The following FGFR2 variants were observed in gnomAD, a reference collection of about 807,000 sequenced individuals.
The protein encoded by FGFR2 is BEK fibroblast growth factor receptor.
FGFR2 carries 19 observed loss-of-function variants against 95.9 expected under a neutral mutation model. That is an observed-to-expected ratio of 0.20 (90% CI 0.14 to 0.29). FGFR2 has a LOEUF of 0.29. Ranked by LOEUF, FGFR2 falls within the 10% of genes least tolerant of loss-of-function variation. The pLI, the probability that FGFR2 is intolerant of heterozygous loss-of-function variation, is 1.00. For synonymous variants in FGFR2, 392 were observed against 393.3 expected (o/e 1.00, Z 0.04); for missense variants, 707 against 1,056.9 (o/e 0.67, Z 4.59).
intron 5 of FGFR2, among the ~76,000 whole-genome samples, chr10:121,550,780 G>A (rs538029058): frequency 1.4e-4 from 21 of 151,998 alleles, no homozygotes; most frequent in Non-Finnish European, 2.6e-4. Context: ...CAACACAAAC[G>A]GGAATTGTAC....
chr10:121,527,546 A>G (rs1851537236), intron 6 of FGFR2: 1 of 152,054 alleles, frequency 6.6e-6, no homozygotes, highest in Non-Finnish European at 1.5e-5. Context: ...TACACATTCA[A>G]AAATGGTTAC....
chr10:121,538,401 C>A lies in FGFR2; in HGVS notation c.748+191G>T, dbSNP rs1257436028. 3 of 904,434 alleles carry A rather than the reference C, an allele frequency of 3.3e-6. No individual in the cohort carries two copies. In the East Asian group the frequency reaches 7.2e-5, roughly 22 times the overall value. 56.0% of individuals were successfully genotyped at this position (904,434 alleles called of 1,614,324 possible). ...ATGAGGATCATGCAAAGCTCATAAA[C>A]CCTGGCTGCCTGGAAAACAGAATAT... is the stretch of plus-strand genomic sequence containing the variant. On this transcript the variant is annotated intron_variant, in intron 6 of 17. Coordinates refer to ENST00000358487, the MANE Select transcript of FGFR2 (RefSeq NM_000141.5).
rs2134475488 is a variant in FGFR2, at chr10:121,531,266, C to T, written c.748+7326G>A. The T allele has an allele frequency of 6.6e-6, 1 of 152,336 alleles. No homozygotes were observed. Among genetic ancestry groups the T allele is most frequent in the East Asian group, 1.9e-4 (1 of 5,174 alleles). The allele number at this position is 152,336 out of a possible 1,614,324, so 9.4% of individuals were successfully genotyped here. A position where few individuals can be genotyped will look rare whatever the true frequency, so the allele number is the denominator to read the frequency against. On this transcript the variant is annotated intron_variant, in intron 6 of 17. Transcript: ENST00000358487. The surrounding 1 kb of genome is among the most constrained non-coding windows in gnomAD (Gnocchi z 4.5). ...GGGAGCTGGCACCCGCAGAATACCACCTGCTCCCAAAGGCTTCTTGCTGGG... is the reference window on the plus strand; with the variant it reads ...GGGAGCTGGCACCCGCAGAATACCATCTGCTCCCAAAGGCTTCTTGCTGGG...
At chr10:121,574,454 G>C (rs1352822553) in intron 2 of FGFR2, among the ~76,000 whole-genome samples, 1 of 152,060 alleles carries the variant, frequency 6.6e-6, no homozygotes, top group Non-Finnish European at 1.5e-5. Flanking sequence ...GCTTGAATCC[G>C]GGAGGCGGGG....
intron 17 of FGFR2, among the ~76,000 whole-genome samples, chr10:121,481,542 G>A (rs967433552): frequency 2.0e-5 from 3 of 151,964 alleles, no homozygotes; most frequent in Non-Finnish European, 2.9e-5. Flanking sequence ...AAACAAACAC[G>A]CCCACCACAT....
In FGFR2 at chr10:121,526,745, A is replaced by C. The variant is rs1369216734; in HGVS notation, c.749-6576T>G. Reference sequence around the variant, plus strand: ...CAGAATCACCTGTTTTGTTTTGTTTAAACACATTTCTGTGGAAGGTCACTG... The same window carrying C: ...CAGAATCACCTGTTTTGTTTTGTTTCAACACATTTCTGTGGAAGGTCACTG... On this transcript the variant is annotated intron_variant, in intron 6 of 17. Transcript: ENST00000358487. The C allele has an allele frequency of 2.5e-5, 10 of 398,476 alleles. No homozygotes were observed. The highest frequency in any genetic ancestry group is 4.0e-5 in the Non-Finnish European group (9 of 226,068). The allele number at this position is 398,476 out of a possible 1,614,324, so 24.7% of individuals were successfully genotyped here.
At chr10:121,495,365 A>G (rs1367475208) in intron 13 of FGFR2, among the ~76,000 whole-genome samples, 1 of 152,194 alleles carries the variant, frequency 6.6e-6, no homozygotes, top group African/African-American at 2.4e-5. Flanking sequence ...AACAAAAAAC[A>G]AAAAACACAA....
intron 13 of FGFR2, among the ~76,000 whole-genome samples, chr10:121,491,663 G>A (rs1381256614): frequency 6.6e-6 from 1 of 152,114 alleles, no homozygotes; most frequent in Admixed American, 6.5e-5. Flanking sequence ...GAGGTCAGGA[G>A]ATGGAGACCA....
intron 6 of FGFR2, among the ~76,000 whole-genome samples, chr10:121,529,890 G>GC (rs1203954109): frequency 1.3e-5 from 2 of 152,130 alleles, no homozygotes; most frequent in African/African-American, 2.4e-5. Flanking sequence ...ATTAACCACT[G>GC]CAACTCAGCA....
chr10:121,556,910 G>GA (rs1447283955), intron 4 of FGFR2, among the ~76,000 whole-genome samples: 1 of 152,118 alleles, frequency 6.6e-6, no homozygotes, highest in African/African-American at 2.4e-5. Context: ...CCTGACAGGG[G>GA]AAAAATGTCT....
At chr10:121,556,187 T>A (rs565422267) in intron 4 of FGFR2, among the ~76,000 whole-genome samples, 1 of 152,290 alleles carries the variant, frequency 6.6e-6, no homozygotes, top group Admixed American at 6.5e-5. Flanking sequence ...TAAAATGAAG[T>A]AGTTGCACTG....
At chr10:121,526,497 C>A (rs1589861818) in intron 6 of FGFR2, among the ~76,000 whole-genome samples, 1 of 152,234 alleles carries the variant, frequency 6.6e-6, no homozygotes, top group Non-Finnish European at 1.5e-5. Context: ...CAGGCTAAAT[C>A]TCGTTGGGTT....
Position 121,526,236 on chromosome 10 carries a change from A to G in FGFR2, c.749-6067T>C, listed in dbSNP as rs181996174. ...CATTCTGCGATTTGGAGGACAAGTGAAAACAACTGAGAATTCTTTTTCTAA... is the reference window on the plus strand; with the variant it reads ...CATTCTGCGATTTGGAGGACAAGTGGAAACAACTGAGAATTCTTTTTCTAA... On this transcript the variant is annotated intron_variant, in intron 6 of 17. Transcript: ENST00000358487. 582 of 398,650 alleles carry G rather than the reference A, an allele frequency of 1.5e-3. 4 individuals are homozygous for G. The highest frequency in any genetic ancestry group is 0.011 in the African/African-American group (542 of 48,756). 24.7% of individuals were successfully genotyped at this position (398,650 alleles called of 1,614,324 possible).
intron 6 of FGFR2, among the ~76,000 whole-genome samples, chr10:121,524,100 A>ACACACACG (rs1564926125): frequency 1.2e-5 from 1 of 82,284 alleles, no homozygotes; most frequent in East Asian, 2.7e-4. Context: ...CCGGCTATGT[A>ACACACACG]TACACACACA....
At chr10:121,524,146 A>ACACACACCCCCC (rs142755962) in intron 6 of FGFR2, among the ~76,000 whole-genome samples, 114 of 136,910 alleles carry the variant, frequency 8.3e-4, no homozygotes, top group Non-Finnish European at 1.3e-3. Flanking sequence ...ACACACACAC[A>ACACACACCCCCC]CCCCAAGTTT....
In FGFR2 at chr10:121,497,733, A is replaced by C. The variant is rs1390694179; in HGVS notation, c.1672+762T>G. Among the ~76,000 whole-genome samples the C allele has an allele frequency of 2.0e-5, 3 of 152,302 alleles. No individual in the cohort carries two copies. The East Asian group carries it at 5.8e-4, about 29-fold the overall frequency. On this transcript the variant is annotated intron_variant, in intron 12 of 17. Transcript: ENST00000358487. Reference sequence around the variant, plus strand: ...GCCTACCGCCTGTTTGGGTAATTAAATTTTATTGGCATGCAGCCAGGTCCA... The same window carrying C: ...GCCTACCGCCTGTTTGGGTAATTAACTTTTATTGGCATGCAGCCAGGTCCA...
chr10:121,591,491 G>A (rs1168447244), intron 2 of FGFR2, among the ~76,000 whole-genome samples: 1 of 152,182 alleles, frequency 6.6e-6, no homozygotes, highest in African/African-American at 2.4e-5. Flanking sequence ...CAACCTTTTG[G>A]TGGAAGAGTC....
At chr10:121,511,462 T>C (rs1043197395) in intron 9 of FGFR2, among the ~76,000 whole-genome samples, 4 of 149,438 alleles carry the variant, frequency 2.7e-5, no homozygotes, top group African/African-American at 7.3e-5. Flanking sequence ...CACCACCCAA[T>C]TGATGTGTGG....
intron 4 of FGFR2, among the ~76,000 whole-genome samples, chr10:121,551,778 T>C (rs1312551993): frequency 1.3e-5 from 2 of 152,154 alleles, no homozygotes; most frequent in Admixed American, 6.5e-5. Context: ...TTTATAAACA[T>C]ATGAACAACA....
Sources: allele counts gnomAD v4.1 joint callset (sites outside exome capture counted in the v4.1 genomes callset), GRCh38; gene constraint gnomAD v4.1.1; non-coding constraint Gnocchi (gnomAD v3.1); transcripts MANE v1.5; gene names NCBI Gene and HGNC (gene_info 2026-07-23, HGNC 2026-07-21).